PHF2: variants seen among roughly 807,000 people sequenced by gnomAD.
PHF2 encodes PHD finger protein 2, also known as lysine-specific demethylase PHF2.
A neutral mutation model predicts 120.5 loss-of-function variants in PHF2; 27 were observed. The ratio of observed to expected loss-of-function variants is 0.22; its 90% confidence interval spans 0.17 to 0.31. The LOEUF is 0.31. Ranked by LOEUF, PHF2 falls within the 10% of genes least tolerant of loss-of-function variation. PHF2 has a pLI of 1.00. For missense variants in PHF2, 1,024 were observed against 1,434.8 expected, an observed-to-expected ratio of 0.71 and a Z score of 4.63; for synonymous variants, 568 against 592.5, an observed-to-expected ratio of 0.96 and a Z score of 0.60.
intron 2 of PHF2, among the ~76,000 whole-genome samples, chr9:93,630,474 A>G (rs1365343503): frequency 6.6e-6 from 1 of 152,092 alleles, no homozygotes; most frequent in Non-Finnish European, 1.5e-5. Context: ...GGGCACGTGC[A>G]TTGTTGGTGG....
chr9:93,621,951 C>T (rs1825833901), intron 1 of PHF2, among the ~76,000 whole-genome samples: 1 of 152,166 alleles, frequency 6.6e-6, no homozygotes, highest in Admixed American at 6.5e-5. Context: ...GTGCACCAAC[C>T]CCTGGACTAT....
intron 1 of PHF2, among the ~76,000 whole-genome samples, chr9:93,601,125 A>G (rs1441638831): frequency 6.6e-6 from 1 of 152,090 alleles, no homozygotes; most frequent in Non-Finnish European, 1.5e-5. Context: ...CCCCTAGGAG[A>G]AAAAAAGGCA....
chr9:93,624,693 GCGA>G (rs1386210294), intron 1 of PHF2, among the ~76,000 whole-genome samples: 6 of 150,782 alleles, frequency 4.0e-5, no homozygotes, highest in Non-Finnish European at 7.4e-5. Flanking sequence ...GATGGTGGTG[GCGA>G]TGGTGGTAGA....
Position 93,678,467 on chromosome 9 carries a change from T to G in PHF2, c.*791T>G, listed in dbSNP as rs1416079238. 3 of 152,590 alleles carry G rather than the reference T, an allele frequency of 2.0e-5. No homozygotes were observed. Among genetic ancestry groups the G allele is most frequent in the Admixed American group, 2.0e-4 (3 of 15,292 alleles). 9.5% of individuals were successfully genotyped at this position (152,590 alleles called of 1,614,324 possible). ...TGGCCACACTCTGGAGAAGCACTTC[T>G]CAGCCAAGGCACCCCTGCCCTGGGA... On this transcript the variant is annotated 3_prime_UTR_variant, in exon 22 of 22. Transcript: ENST00000359246.
intron 1 of PHF2, among the ~76,000 whole-genome samples, chr9:93,583,730 C>T (rs76258509): frequency 0.014 from 2,154 of 152,216 alleles, 64 homozygotes; most frequent in African/African-American, 0.048. Context: ...CTACTCAAGG[C>T]CTTTGCCCAC....
intron 4 of PHF2, among the ~76,000 whole-genome samples, chr9:93,646,176 G>C (rs1161128000): frequency 1.3e-5 from 2 of 152,184 alleles, no homozygotes; most frequent in Non-Finnish European, 2.9e-5. Context: ...TTCCTCATCT[G>C]TACCATGACC....
chr9:93,645,650 T>C lies in PHF2; in HGVS notation c.321T>C (p.Arg107=), dbSNP rs768682740. The part of the protein sequence containing the change: ...TFPSAEDVVA[R]VPGSQLTLGY... ...GCAGTGCTGAAGACGTGGTGGCCCG[T>C]GTGCCAGGAAGTCAGCTCACGCTGG... Residue 107 remains arginine, a synonymous_variant, in exon 4 of 22, where the codon CGT becomes CGC. Transcript: ENST00000359246. 6.2e-7 allele frequency: 1 copy of C among 1,605,360 alleles called. No homozygotes were observed. The highest frequency in any genetic ancestry group is 2.2e-5 in the East Asian group (1 of 44,648).
chr9:93,592,907 T>A (rs1825255302), intron 1 of PHF2, among the ~76,000 whole-genome samples: 1 of 151,682 alleles, frequency 6.6e-6, no homozygotes, highest in African/African-American at 2.4e-5. Flanking sequence ...AGCCCCAGAC[T>A]CCCTCTCCAA....
At chr9:93,644,152 C>T (rs537086562) in intron 3 of PHF2, among the ~76,000 whole-genome samples, 9 of 152,164 alleles carry the variant, frequency 5.9e-5, no homozygotes, top group African/African-American at 1.9e-4. Context: ...TTTGGAAGGC[C>T]GAGGTGGGTG....
chr9:93,627,883 A>G (rs151055300), intron 1 of PHF2, among the ~76,000 whole-genome samples: 1,817 of 152,304 alleles, frequency 0.012, 24 homozygotes, highest in Non-Finnish European at 0.019. Flanking sequence ...GCTCAGGAGA[A>G]AGAGCCAGGT....
intron 2 of PHF2, 135 bp downstream of exon 2, chr9:93,630,190 T>G (rs1412848246): frequency 1.3e-6 from 1 of 793,754 alleles, no homozygotes; most frequent in Non-Finnish European, 2.1e-6. Flanking sequence ...GAGTAGTGTC[T>G]AGGCCTGGGG....
chr9:93,596,130 C>T (rs567980879), intron 1 of PHF2, among the ~76,000 whole-genome samples: 61 of 152,234 alleles, frequency 4.0e-4, no homozygotes, highest in Non-Finnish European at 6.9e-4. Flanking sequence ...TGAGGCAGGC[C>T]GCATGGAGTG....
At chr9:93,629,155 C>T (rs1469777437) in intron 1 of PHF2, among the ~76,000 whole-genome samples, 1 of 152,142 alleles carries the variant, frequency 6.6e-6, no homozygotes, top group Non-Finnish European at 1.5e-5. Context: ...CCCACCTCGG[C>T]CTCTCAAAGT....
intron 1 of PHF2, among the ~76,000 whole-genome samples, chr9:93,621,204 C>T (rs1288209145): frequency 6.6e-6 from 1 of 152,198 alleles, no homozygotes; most frequent in African/African-American, 2.4e-5. Flanking sequence ...AGGGGCAGCC[C>T]AGTGGTCACC....
rs114826975 is a variant in PHF2, at chr9:93,589,932, C to T, written c.98+13061C>T. ...TCTTGACTGCTGGGGCTCCAGCAAA[C>T]ATGCTCCTCCTGCACTTCCTGCTTC... On this transcript the variant is annotated intron_variant, in intron 1 of 21. Transcript: ENST00000359246. Among the ~76,000 whole-genome samples the T allele has an allele frequency of 8.2e-3, 1,245 of 152,318 alleles. 14 individuals carry two copies. The highest frequency in any genetic ancestry group is 0.028 in the African/African-American group (1,169 of 41,570).
At chr9:93,660,135 G>A (rs559643391) in intron 11 of PHF2, 57 bp from the exon 12 acceptor site, 24 of 1,474,560 alleles carry the variant, frequency 1.6e-5, no homozygotes, top group South Asian at 5.8e-5. Flanking sequence ...TGTGTGGACC[G>A]TCTTGGGCCA....
chr9:93,675,830 G>T, intron 20 of PHF2, 41 bp downstream of exon 20: 1 of 1,497,508 alleles, frequency 6.7e-7, no homozygotes, highest in Non-Finnish European at 9.2e-7. Flanking sequence ...CCAGGTCCCT[G>T]CTACCCCCAC....
At chr9:93,659,423 C>T in intron 10 of PHF2, 88 bp from the exon 11 acceptor site, 2 of 1,057,088 alleles carry the variant, frequency 1.9e-6, no homozygotes, top group South Asian at 1.4e-5. Context: ...AGTGGCTCGG[C>T]AGTCAGGCGA....
intron 14 of PHF2, among the ~76,000 whole-genome samples, chr9:93,664,098 T>C (rs529041829): frequency 6.6e-6 from 1 of 152,202 alleles, no homozygotes; most frequent in Non-Finnish European, 1.5e-5. Flanking sequence ...GAGTGTTAGA[T>C]GTTTGGCTCT....
Sources: allele counts gnomAD v4.1 joint callset (sites outside exome capture counted in the v4.1 genomes callset), GRCh38; gene constraint gnomAD v4.1.1; transcripts MANE v1.5; gene names NCBI Gene and HGNC (gene_info 2026-07-23, HGNC 2026-07-21).